Variants in SLC38A5 observed in about 807,000 individuals in gnomAD.
SLC38A5 encodes solute carrier family 38 member 5.
In SLC38A5, 9 loss-of-function variants were observed where a neutral mutation model predicts 34.6. That is an observed-to-expected ratio of 0.26 (90% CI 0.16 to 0.45). SLC38A5 has a LOEUF of 0.45. Ranked by LOEUF, SLC38A5 falls within the 20% of genes least tolerant of loss-of-function variation. The pLI, the probability that SLC38A5 is intolerant of heterozygous loss-of-function variation, is 1.00. For synonymous variants in SLC38A5, 157 were observed against 155.6 expected (o/e 1.01, Z -0.07); for missense variants, 253 against 394.7 (o/e 0.64, Z 3.04).
intron 2 of SLC38A5, chrX:48,468,964 A>G (rs2061498093): frequency 4.8e-5 from 36 of 751,242 alleles, no homozygotes; most frequent in Non-Finnish European, 5.6e-5. Context: ...GCGTCTCTGA[A>G]GAAACCCCAG....
At chrX:48,466,718 G>T in intron 6 of SLC38A5, 81 bp downstream of exon 6, 1 of 1,039,218 alleles carries the variant, frequency 9.6e-7, no homozygotes, top group Non-Finnish European at 1.3e-6. Context: ...TCCAAGGTCT[G>T]TGTTGAGCTC....
At chrX:48,467,449 G>C in intron 4 of SLC38A5, 1 of 431,176 alleles carries the variant, frequency 2.3e-6, no homozygotes, top group Non-Finnish European at 4.0e-6. Context: ...AAGGCAGGCC[G>C]GGAGGGGAGC....
At chrX:48,468,762 A>G (rs1556964287) in intron 2 of SLC38A5, 1 of 578,613 alleles carries the variant, frequency 1.7e-6, no homozygotes, top group African/African-American at 2.5e-5. Flanking sequence ...ACACTGCCAG[A>G]CTTGAGAAAC....
rs371127836 is a variant in SLC38A5, at chrX:48,461,053, G to A, written c.885C>T (p.Asn295=). ...TGCAGAACATGGCCCCAATGGACACGTTGGCCACGGCCTGCATCCTGCGCT... is the reference window on the plus strand; with the variant it reads ...TGCAGAACATGGCCCCAATGGACACATTGGCCACGGCCTGCATCCTGCGCT... ...PSKRRMQAVA[N]VSIGAMFCMY... The change falls in exon 13 of 17, where the codon AAC becomes AAT. Residue 295 remains asparagine, a synonymous_variant. Coordinates refer to ENST00000620913, the MANE Select transcript of SLC38A5 (RefSeq NM_033518.4). The A allele has an allele frequency of 3.4e-6, 4 of 1,184,921 alleles. No individual in the cohort carries two copies. The highest frequency in any genetic ancestry group is 1.8e-5 in the African/African-American group (1 of 55,509).
intron 8 of SLC38A5, among the ~76,000 whole-genome samples, chrX:48,464,931 C>CAA (rs1190041180): frequency 0.041 from 3,217 of 79,364 alleles, 190 homozygotes; most frequent in African/African-American, 0.14. Context: ...GAGACTCTGT[C>CAA]AAAAAAAAAA....
chrX:48,468,255 G>T, intron 2 of SLC38A5: 1 of 925,204 alleles, frequency 1.1e-6, no homozygotes, highest in Non-Finnish European at 1.3e-6. Context: ...GCGCAGATGA[G>T]CCGACCACGT....
Position 48,462,027 on chromosome X carries a change from T to C in SLC38A5, c.751A>G (p.Met251Val). ...CACACCTGTGAGTCAACTGTGAACA[T>C]CTGGGCCTCACAGCTGCTGTTGAGT... ...QGLNSSCEAQMFTVDSQMSYT... is the reference protein window; with the variant it reads ...QGLNSSCEAQVFTVDSQMSYT... Residue 251 changes from methionine to valine, a missense_variant, in exon 11 of 17, where the codon ATG (methionine) becomes GTG (valine). Transcript: ENST00000620913. 8.7e-7 allele frequency: 1 copy of C among 1,154,576 alleles called. No individual in the cohort carries two copies. The highest frequency in any genetic ancestry group is 1.2e-6 in the Non-Finnish European group (1 of 866,674).
chrX:48,462,649 G>A (rs782053425), intron 9 of SLC38A5, among the ~76,000 whole-genome samples: 19 of 109,961 alleles, frequency 1.7e-4, no homozygotes, highest in African/African-American at 5.6e-4. Flanking sequence ...ATGGACCCCC[G>A]GAACAGTGAA....
At chrX:48,468,237 G>C (rs1401018860) in intron 2 of SLC38A5, 1 of 963,736 alleles carries the variant, frequency 1.0e-6, no homozygotes, top group East Asian at 4.6e-5. Flanking sequence ...AGAGAGAGCC[G>C]GACCCCAGCG....
intron 8 of SLC38A5, among the ~76,000 whole-genome samples, chrX:48,463,474 G>C (rs1255273804): frequency 9.1e-6 from 1 of 110,463 alleles, no homozygotes; most frequent in Non-Finnish European, 1.9e-5. Flanking sequence ...GGCGTGGTGG[G>C]GAGTGCCTGT....
chrX:48,459,378 C>A (rs2061419579), intron 16 of SLC38A5, 158 bp downstream of exon 16: 1 of 536,259 alleles, frequency 1.9e-6, no homozygotes, highest in Non-Finnish European at 2.8e-6. Flanking sequence ...TCTCCTCTGC[C>A]CCTTCCTAGA....
At chrX:48,466,899 T>C (rs1556963552) in intron 5 of SLC38A5, 27 bp from the exon 6 acceptor site, 1 of 1,202,529 alleles carries the variant, frequency 8.3e-7, no homozygotes, top group African/African-American at 1.8e-5. Flanking sequence ...AGCTCAGACC[T>C]GGCCCCAGGC....
intron 2 of SLC38A5, chrX:48,468,500 G>A (rs1487247737): frequency 3.5e-6 from 2 of 575,907 alleles, no homozygotes; most frequent in Non-Finnish European, 2.1e-6. Flanking sequence ...CAGAGCTAAT[G>A]CAACCTGTTG....
chrX:48,458,789 T>G lies in SLC38A5; in HGVS notation c.*144A>C. The G allele has an allele frequency of 9.3e-7, 1 of 1,076,977 alleles. No homozygotes were observed. The highest frequency in any genetic ancestry group is 1.2e-6 in the Non-Finnish European group (1 of 829,191). 88.8% of individuals were successfully genotyped at this position (1,076,977 alleles called of 1,213,427 possible). A position where few individuals can be genotyped will look rare whatever the true frequency, so the allele number is the denominator to read the frequency against. On this transcript the variant is annotated 3_prime_UTR_variant, in exon 17 of 17. Coordinates refer to ENST00000620913, the MANE Select transcript of SLC38A5 (RefSeq NM_033518.4). ...CCTGGGGAGGAGGGAAGTGGGCCAGTCTGCAGCCTCTGCTGTCCCCCGCCT... is the reference window on the plus strand; with the variant it reads ...CCTGGGGAGGAGGGAAGTGGGCCAGGCTGCAGCCTCTGCTGTCCCCCGCCT...
chrX:48,463,632 C>A (rs781897429), intron 8 of SLC38A5, among the ~76,000 whole-genome samples: 9 of 103,703 alleles, frequency 8.7e-5, no homozygotes, highest in Admixed American at 4.2e-4. Context: ...AAATAAATAG[C>A]CAGGTATGGT....
rs1379689703 is a variant in SLC38A5 at position 48,458,658 on chromosome X, G to GCCGCCT, written c.*274_*275insAGGCGG. 59 of 784,951 alleles carry GCCGCCT rather than the reference G, an allele frequency of 7.5e-5. No homozygotes were observed. The highest frequency in any genetic ancestry group is 8.7e-5 in the Non-Finnish European group (55 of 632,106). 64.7% of individuals were successfully genotyped at this position (784,951 alleles called of 1,213,427 possible). A position where few individuals can be genotyped will look rare whatever the true frequency, so the allele number is the denominator to read the frequency against. ...TGGGCAAAGGCTCCACCAGGACCTG[G>GCCGCCT]CCTCCTCCTCCTCCTCCTCCTCCTC... On this transcript the variant is annotated 3_prime_UTR_variant, in exon 17 of 17. Coordinates refer to ENST00000620913, the MANE Select transcript of SLC38A5 (RefSeq NM_033518.4).
In SLC38A5 at chrX:48,467,726, G is replaced by C. The variant is rs200149039; in HGVS notation, c.113C>G (p.Pro38Arg). ...PSRGPAPGSK[P>R]VQFMDFEGKT... ...GCCACTCACATCCATGAACTGGACC[G>C]GCTTGCTCCCAGGAGCAGGACCACG... The change falls in exon 4 of 17, where the codon CCG becomes CGG. Residue 38 changes from proline (P) to arginine (R), a missense_variant. Around this residue, in one of 3 missense-constraint regions of SLC38A5, gnomAD observed 40 missense variants for 36.4 expected, o/e 1.10. Transcript: ENST00000620913. 2.5e-6 allele frequency: 3 copies of C among 1,205,207 alleles called. No homozygotes were observed. In the African/African-American group the frequency reaches 5.3e-5, roughly 21 times the overall value.
chrX:48,467,256 C>T, intron 4 of SLC38A5, 179 bp from the exon 5 acceptor site: 1 of 446,398 alleles, frequency 2.2e-6, no homozygotes, highest in Non-Finnish European at 3.9e-6. Flanking sequence ...GAAGAGGCTG[C>T]GAATGGGGAG....
rs782386875 is a variant in SLC38A5 at position 48,460,752 on chromosome X, G to A, written c.965C>T (p.Ala322Val). 7.3e-5 allele frequency: 88 copies of A among 1,209,368 alleles called. No homozygotes were observed. The highest frequency in any genetic ancestry group is 9.1e-5 in the Non-Finnish European group (81 of 894,581). The change falls in exon 14 of 17, where the codon GCG (alanine) becomes GTG (valine). Residue 322 changes from alanine (A) to valine (V), a missense_variant. Transcript: ENST00000620913. ...CTGGCTGTACATGTGCAGCATCTCCGCCTTCACACTGCCTGGGCCATGAGA... is the reference window on the plus strand; with the variant it reads ...CTGGCTGTACATGTGCAGCATCTCCACCTTCACACTGCCTGGGCCATGAGA... ...GYLTFYSSVK[A>V]EMLHMYSQKD... is the part of the protein sequence containing the mutation.
Sources: gnomAD v4.1 joint callset for allele counts (sites outside exome capture counted in the v4.1 genomes callset) on GRCh38, gnomAD v4.1.1 for gene constraint, gnomAD v4.1.1 regional missense constraint, MANE v1.5 for transcripts, NCBI Gene and HGNC (gene_info 2026-07-23, HGNC 2026-07-21) for gene names.